RELN: variants seen among roughly 807,000 people sequenced by gnomAD.
RELN encodes the protein reelin.
Under a neutral mutation model 427.6 loss-of-function variants are expected in RELN, and 108 were observed. That is an observed-to-expected ratio of 0.25 (90% confidence interval 0.22 to 0.30). The LOEUF is 0.30. RELN is among the 10% of genes least tolerant of loss of function. RELN has a pLI of 1.00. For synonymous variants in RELN, 1,524 were observed against 1,513.4 expected (o/e 1.01, Z -0.16); for missense variants, 3,715 against 4,302.8 (o/e 0.86, Z 3.82).
rs2528873 is a variant in RELN, at chr7:103,495,655, C to A, written c.9369+68G>T. 266,100 of 1,409,730 alleles carry A rather than the reference C, an allele frequency of 0.19. 26,847 individuals are homozygous for A. The highest frequency in any genetic ancestry group is 0.32 in the East Asian group (14,211 of 43,778). 87.3% of individuals were successfully genotyped at this position (1,409,730 alleles called of 1,614,324 possible). ...CAGTCATTTCCTTATAGTTGTCTGA[C>A]TAACCATTCTCCCTCGAGGCCCCAA... On this transcript the variant is annotated intron_variant, in intron 57 of 64. Coordinates refer to ENST00000428762, the MANE Select transcript of RELN (RefSeq NM_005045.4).
chr7:103,760,521 C>T (rs1482987696), intron 4 of RELN, among the ~76,000 whole-genome samples: 2 of 151,908 alleles, frequency 1.3e-5, no homozygotes, highest in African/African-American at 2.4e-5. Flanking sequence ...GAACAAATTA[C>T]TCAGTGCAAA....
intron 46 of RELN, among the ~76,000 whole-genome samples, chr7:103,532,595 G>A (rs1359048627): frequency 6.6e-6 from 1 of 151,976 alleles, no homozygotes; most frequent in African/African-American, 2.4e-5. Flanking sequence ...TGCTCTTCAT[G>A]GTCTGACACC....
rs1407593169 is a variant in RELN at position 103,977,225 on chromosome 7, C to T, written c.226+11906G>A. Among the ~76,000 whole-genome samples the T allele has an allele frequency of 6.8e-5, 10 of 147,006 alleles. No individual in the cohort carries two copies. In the Admixed American group the frequency reaches 6.9e-4, roughly 10 times the overall value. On this transcript the variant is annotated intron_variant, in intron 1 of 64. Transcript: ENST00000428762. Reference sequence around the variant, plus strand: ...ACTTGGGAGGCTGAGGCAGAAAAATCGCTTGAGCCCAGGAGGTGGAGGTTG... The same window carrying T: ...ACTTGGGAGGCTGAGGCAGAAAAATTGCTTGAGCCCAGGAGGTGGAGGTTG...
chr7:103,782,528 T>G (rs1299429050), intron 3 of RELN, among the ~76,000 whole-genome samples: 1 of 152,150 alleles, frequency 6.6e-6, no homozygotes, highest in East Asian at 1.9e-4. Context: ...TAAATAGATT[T>G]CAAGCTTCTG....
At position 103,623,704 on chromosome 7, in the gene RELN, A is replaced by T. The variant is rs1241945921; in HGVS notation, c.2702+6236T>A. On this transcript the variant is annotated intron_variant, in intron 20 of 64. Transcript: ENST00000428762. Reference sequence around the variant, plus strand: ...CACATATTCCTATTTCAATAAATTAACCAAAAGGTAGCAGAAGGAGAGGTA... The same window carrying T: ...CACATATTCCTATTTCAATAAATTATCCAAAAGGTAGCAGAAGGAGAGGTA... Among the ~76,000 whole-genome samples, 3 of 152,328 alleles carry T rather than the reference A, an allele frequency of 2.0e-5. No homozygotes were observed. In the East Asian group the frequency reaches 5.8e-4, roughly 29 times the overall value.
intron 1 of RELN, among the ~76,000 whole-genome samples, chr7:103,943,870 G>C (rs76963168): frequency 1.5e-5 from 1 of 66,500 alleles, no homozygotes; most frequent in Non-Finnish European, 3.2e-5. Context: ...AAAAAAAAAA[G>C]AATTGGAAAT....
At chr7:103,755,424 C>T (rs868663393) in intron 4 of RELN, among the ~76,000 whole-genome samples, 12 of 152,046 alleles carry the variant, frequency 7.9e-5, no homozygotes, top group Non-Finnish European at 1.3e-4. Context: ...CTGGCTAACA[C>T]GGTGAAACCC....
chr7:103,539,566 A>C lies in RELN; in HGVS notation c.6931-239T>G, dbSNP rs1252931818. On this transcript the variant is annotated intron_variant, in intron 44 of 64. Coordinates refer to ENST00000428762, the MANE Select transcript of RELN (RefSeq NM_005045.4). Reference sequence around the variant, plus strand: ...ATTGACAAAACCATTCACAGCCTACATTGGCCAAACTGTGCCTTTGCAAAC... The same window carrying C: ...ATTGACAAAACCATTCACAGCCTACCTTGGCCAAACTGTGCCTTTGCAAAC... The C allele has an allele frequency of 1.1e-5, 6 of 529,094 alleles. No homozygotes were observed. The East Asian group carries it at 2.1e-4, about 19-fold the overall frequency. 32.8% of individuals were successfully genotyped at this position (529,094 alleles called of 1,614,324 possible).
intron 20 of RELN, among the ~76,000 whole-genome samples, chr7:103,615,989 C>A (rs935153542): frequency 6.6e-6 from 1 of 152,092 alleles, no homozygotes; most frequent in African/African-American, 2.4e-5. Flanking sequence ...AATACTTGAG[C>A]CACAAAGTTC....
At chr7:103,650,210 C>G (rs1002950767) in intron 16 of RELN, 64 bp downstream of exon 16, 1 of 987,936 alleles carries the variant, frequency 1.0e-6, no homozygotes, top group Non-Finnish European at 1.6e-6. Flanking sequence ...TCTGTGCTGA[C>G]GAACAAAAGC....
chr7:103,476,260 C>T (rs1828027204), intron 64 of RELN, among the ~76,000 whole-genome samples: 1 of 152,000 alleles, frequency 6.6e-6, no homozygotes, highest in Non-Finnish European at 1.5e-5. Flanking sequence ...GTCAGGAGAT[C>T]AAGACCATCC....
chr7:103,733,593 T>C (rs1438825184), intron 6 of RELN, among the ~76,000 whole-genome samples: 2 of 145,404 alleles, frequency 1.4e-5, no homozygotes, highest in African/African-American at 2.6e-5. Context: ...ATATACACCA[T>C]GGAATACTAT....
rs770078633 is a variant in RELN, at chr7:103,611,620, G to A, written c.2886C>T (p.Leu962=). 8 of 1,612,904 alleles carry A rather than the reference G, an allele frequency of 5.0e-6. No homozygotes were observed. The highest frequency in any genetic ancestry group is 4.4e-5 in the South Asian group (4 of 91,038). ...AGGAAACTAGACTTACTTCTTGGAC[G>A]AGGTGCCAGGTAAGGCCGTGGTTGG... ...YSTNHGLTWH[L]VQEECLPSMP... The change falls in exon 21 of 65, where the codon CTC becomes CTT. Residue 962 remains leucine, a synonymous_variant. Coordinates refer to ENST00000428762, the MANE Select transcript of RELN (RefSeq NM_005045.4).
Position 103,696,527 on chromosome 7 carries a change from A to G in RELN, c.1143+1326T>C, listed in dbSNP as rs140715228. 9.9e-5 allele frequency among the ~76,000 whole-genome samples: 15 copies of G among 152,234 alleles called. No homozygotes were observed. In the East Asian group the frequency reaches 1.9e-3, roughly 20 times the overall value. On this transcript the variant is annotated intron_variant, in intron 10 of 64. Coordinates refer to ENST00000428762, the MANE Select transcript of RELN (RefSeq NM_005045.4). Reference sequence around the variant, plus strand: ...GCTCCTTCACTATGTTTCCTTTTCAATGAACAGCACCTGTCCATCCAGCTG... The same window carrying G: ...GCTCCTTCACTATGTTTCCTTTTCAGTGAACAGCACCTGTCCATCCAGCTG...
intron 1 of RELN, among the ~76,000 whole-genome samples, chr7:103,949,599 T>G (rs942294328): frequency 6.7e-6 from 1 of 150,020 alleles, no homozygotes; most frequent in Non-Finnish European, 1.5e-5. Context: ...GACTTCCCAG[T>G]CTCCAGAACT....
At chr7:103,589,874 T>C (rs1250543759) in intron 27 of RELN, 46 bp from the exon 28 acceptor site, 1 of 1,208,938 alleles carries the variant, frequency 8.3e-7, no homozygotes. Context: ...TGGTTCTAAG[T>C]CATCACTCAA....
chr7:103,834,520 C>A (rs1793354012), intron 2 of RELN, among the ~76,000 whole-genome samples: 1 of 152,112 alleles, frequency 6.6e-6, no homozygotes, highest in Admixed American at 6.5e-5. Flanking sequence ...GCTGAGCTAT[C>A]AGGGGATGCT....
chr7:103,491,868 A>T (rs111330766), intron 58 of RELN, 85 bp downstream of exon 58: 62 of 549,434 alleles, frequency 1.1e-4, no homozygotes, highest in African/African-American at 1.9e-4. Context: ...ACACACACAC[A>T]CACACACACA....
In RELN at chr7:103,603,287, C is replaced by T; in HGVS notation, c.3333+17G>A. ...CTAGCCATTGCCCCGATGACTTATC[C>T]CAGCTGTTGGTCATACCTTGCTGAA... is the stretch of plus-strand genomic sequence containing the variant. On this transcript the variant is annotated intron_variant, in intron 24 of 64. Coordinates refer to ENST00000428762, the MANE Select transcript of RELN (RefSeq NM_005045.4). The surrounding 1 kb of genome is among the most constrained non-coding windows in gnomAD (Gnocchi z 4.3). The T allele has an allele frequency of 3.7e-6, 6 of 1,605,240 alleles. No homozygotes were observed. Among genetic ancestry groups the T allele is most frequent in the Non-Finnish European group, 5.1e-6 (6 of 1,171,980 alleles).
Sources: allele counts gnomAD v4.1 joint callset (sites outside exome capture counted in the v4.1 genomes callset), GRCh38; gene constraint gnomAD v4.1.1; non-coding constraint Gnocchi (gnomAD v3.1); transcripts MANE v1.5; gene names NCBI Gene and HGNC (gene_info 2026-07-23, HGNC 2026-07-21).